MANBA: variants seen among roughly 807,000 people sequenced by gnomAD.
MANBA encodes beta-mannosidase.
In MANBA, 83 loss-of-function variants were observed where a neutral mutation model predicts 111.1. The observed-to-expected ratio is 0.75, with a 90% CI of 0.63 to 0.90. The LOEUF is 0.90. Ranked by LOEUF, MANBA falls within the 40% of genes least tolerant of loss-of-function variation. The probability of loss-of-function intolerance (pLI) is 0.00; values close to 1 mark genes in which losing one functional copy is unlikely to be tolerated. For synonymous variants in MANBA, 370 were observed against 378.7 expected (o/e 0.98, Z 0.27); for missense variants, 1,036 against 1,069.0 (o/e 0.97, Z 0.43).
At chr4:102,663,991 C>A (rs1449101447) in intron 11 of MANBA, among the ~76,000 whole-genome samples, 1 of 152,176 alleles carries the variant, frequency 6.6e-6, no homozygotes, top group Non-Finnish European at 1.5e-5. Flanking sequence ...AAATCACATA[C>A]CAGGACATTC....
chr4:102,742,238 G>A (rs1723428846), intron 1 of MANBA, among the ~76,000 whole-genome samples: 1 of 152,158 alleles, frequency 6.6e-6, no homozygotes, highest in African/African-American at 2.4e-5. Flanking sequence ...GAATCATTGT[G>A]TCTCCTGGTG....
intron 6 of MANBA, 148 bp downstream of exon 6, chr4:102,690,448 A>G (rs1343518959): frequency 8.8e-6 from 6 of 685,500 alleles, no homozygotes; most frequent in Non-Finnish European, 1.5e-5. Flanking sequence ...CACAGAAAAT[A>G]TATGAGAGAC....
rs763243280 is a variant in MANBA at position 102,639,769 on chromosome 4, C to T, written c.1958G>A (p.Gly653Glu). The T allele has an allele frequency of 8.1e-6, 13 of 1,613,978 alleles. No individual in the cohort carries two copies. The highest frequency in any genetic ancestry group is 9.3e-6 in the Non-Finnish European group (11 of 1,180,014). ...GTCATTCAACTGCCAATAAAGTGCC[C>T]CCATCGTGTGCCCTTGCTGATCCAC... The part of the protein sequence containing the change: ...EIVDQQGHTM[G>E]ALYWQLNDIW... Residue 653 changes from glycine (G) to glutamate (E), a missense_variant, in exon 14 of 17, where the codon GGG becomes GAG. Gly to Glu is a moderately conservative substitution (Grantham distance 98). Coordinates refer to ENST00000647097, the MANE Select transcript of MANBA (RefSeq NM_005908.4).
At chr4:102,748,143 T>C (rs889510075) in intron 1 of MANBA, among the ~76,000 whole-genome samples, 9 of 152,208 alleles carry the variant, frequency 5.9e-5, no homozygotes, top group African/African-American at 1.2e-4. Context: ...AAACCTTTTC[T>C]GCATGGGTTT....
chr4:102,671,233 T>C (rs759186270), intron 9 of MANBA, 48 bp downstream of exon 9: 49 of 1,167,304 alleles, frequency 4.2e-5, no homozygotes, highest in Non-Finnish European at 5.9e-5. Flanking sequence ...GCAGTCAAAC[T>C]GAGGATATAG....
chr4:102,739,621 A>C (rs1723334018), intron 1 of MANBA, among the ~76,000 whole-genome samples: 2 of 152,326 alleles, frequency 1.3e-5, no homozygotes, highest in South Asian at 4.1e-4. Flanking sequence ...TGGGTTTCAT[A>C]CCAGGGATGC....
rs121434336 is a variant in MANBA at position 102,669,004 on chromosome 4, G to A, written c.1276C>T (p.Gln426Ter). 2 of 1,613,786 alleles carry A rather than the reference G, an allele frequency of 1.2e-6. No individual in the cohort carries two copies. Among genetic ancestry groups the A allele is most frequent in the South Asian group, 2.2e-5 (2 of 90,976 alleles). ...GCTGTCACTGAATCCAGGAAGCCCT[G>A]ATCAGTTGGATAAAGGGCACAGGCA... ...MFACALYPTDQGFLDSVTAEV... is the reference protein window; with the variant it reads ...MFACALYPTD The change falls in exon 10 of 17, where the codon CAG (glutamine) becomes TAG (stop). Residue 426 changes from glutamine to a stop codon, truncating the protein, a stop_gained. Transcript: ENST00000647097. LOFTEE classifies it high-confidence loss of function.
At chr4:102,706,069 A>G (rs1733283864) in intron 5 of MANBA, among the ~76,000 whole-genome samples, 1 of 152,144 alleles carries the variant, frequency 6.6e-6, no homozygotes, top group South Asian at 2.1e-4. Flanking sequence ...AGGGGCCTGA[A>G]GACCCAGCCA....
intron 15 of MANBA, among the ~76,000 whole-genome samples, chr4:102,635,541 C>T (rs1242920130): frequency 1.3e-5 from 2 of 152,284 alleles, no homozygotes; most frequent in Non-Finnish European, 2.9e-5. Flanking sequence ...CTATTTCCAG[C>T]CTCTCACAAT....
chr4:102,632,515 A>G (rs1729434982), intron 16 of MANBA, among the ~76,000 whole-genome samples: 1 of 152,262 alleles, frequency 6.6e-6, no homozygotes. Context: ...ATCGTCTCCA[A>G]TCATTAAGGA....
chr4:102,675,328 T>A (rs1731678073), intron 7 of MANBA, among the ~76,000 whole-genome samples: 1 of 152,216 alleles, frequency 6.6e-6, no homozygotes, highest in South Asian at 2.1e-4. Flanking sequence ...GCCTACTTCA[T>A]CACTCTGACA....
At chr4:102,674,828 T>C in intron 7 of MANBA, among the ~76,000 whole-genome samples, 1 of 152,244 alleles carries the variant, frequency 6.6e-6, no homozygotes, top group Non-Finnish European at 1.5e-5. Context: ...ATCAAGTTTA[T>C]ATAAGATTTT....
intron 3 of MANBA, 58 bp downstream of exon 3, chr4:102,723,804 A>G: frequency 1.0e-6 from 1 of 957,802 alleles, no homozygotes; most frequent in Non-Finnish European, 1.6e-6. Flanking sequence ...CTACTCACAA[A>G]AGCAATTAAC....
chr4:102,721,544 A>T (rs1357640644), intron 4 of MANBA, among the ~76,000 whole-genome samples: 10 of 152,214 alleles, frequency 6.6e-5, no homozygotes, highest in Admixed American at 6.5e-4. Flanking sequence ...AGATGAATGG[A>T]TAAACAAAAT....
At chr4:102,747,158 G>GATATATATATATATATATATATAT (rs144093849) in intron 1 of MANBA, among the ~76,000 whole-genome samples, 3 of 145,470 alleles carry the variant, frequency 2.1e-5, no homozygotes, top group African/African-American at 5.3e-5. Context: ...GAACTAATGG[G>GATATATATATATATATATATATAT]ATATATATAT....
chr4:102,654,435 T>G (rs1261463274), intron 12 of MANBA, among the ~76,000 whole-genome samples: 1 of 152,174 alleles, frequency 6.6e-6, no homozygotes, highest in Admixed American at 6.5e-5. Context: ...AGAGCTAAGG[T>G]TATGACATCA....
intron 6 of MANBA, 42 bp from the exon 7 acceptor site, chr4:102,689,726 T>G (rs767733613): frequency 1.8e-5 from 21 of 1,151,470 alleles, no homozygotes; most frequent in Non-Finnish European, 2.5e-5. Flanking sequence ...TGTCATATTT[T>G]CAGCAAAAAA....
At chr4:102,667,005 T>A (rs1334152287) in intron 10 of MANBA, 1 of 152,234 alleles carries the variant, frequency 6.6e-6, no homozygotes, top group Non-Finnish European at 1.5e-5. Flanking sequence ...TAATATGAAC[T>A]CTAGATTTTA....
At position 102,747,479 on chromosome 4, in the gene MANBA, C is replaced by T. The variant is rs146782829; in HGVS notation, c.177+13239G>A. On this transcript the variant is annotated intron_variant, in intron 1 of 16. Transcript: ENST00000647097. ...GTCCACTGAGTCAAATGTTAATCTC[C>T]TTTGACAACACCCTCACAGACACAC... Among the ~76,000 whole-genome samples, 834 of 152,326 alleles carry T rather than the reference C, an allele frequency of 5.5e-3. 7 individuals carry two copies. Among genetic ancestry groups the T allele is most frequent in the Middle Eastern group, 0.027 (8 of 292 alleles).
Sources: gnomAD v4.1 joint callset for allele counts (sites outside exome capture counted in the v4.1 genomes callset) on GRCh38, gnomAD v4.1.1 for gene constraint, MANE v1.5 for transcripts, NCBI Gene and HGNC (gene_info 2026-07-23, HGNC 2026-07-21) for gene names.